The following SGPP1 variants were observed in gnomAD, a reference collection of about 807,000 sequenced individuals.
SGPP1 encodes sphingosine-1-phosphate phosphatase 1, also known as hSPP1.
A neutral mutation model predicts 33.0 loss-of-function variants in SGPP1; 21 were observed. That is an observed-to-expected ratio of 0.64 (90% CI 0.45 to 0.92). The LOEUF (loss-of-function observed/expected upper bound fraction) is 0.92. Ranked by LOEUF, SGPP1 falls within the 40% of genes least tolerant of loss-of-function variation. SGPP1 has a pLI of 0.00. For synonymous variants in SGPP1, 239 were observed against 241.2 expected (o/e 0.99, Z 0.08); for missense variants, 543 against 589.4 (o/e 0.92, Z 0.81).
chr14:63,704,295 T>C (rs1885362233), intron 1 of SGPP1, among the ~76,000 whole-genome samples: 1 of 152,156 alleles, frequency 6.6e-6, no homozygotes, highest in Admixed American at 6.6e-5. Flanking sequence ...TTCAAAACAG[T>C]GTGGTACTGA....
chr14:63,712,847 G>A (rs553797945), intron 1 of SGPP1, among the ~76,000 whole-genome samples: 13 of 148,436 alleles, frequency 8.8e-5, no homozygotes, highest in African/African-American at 3.0e-4. Flanking sequence ...AGTCTGTGAG[G>A]TGGAGGTTGC....
chr14:63,720,352 T>TGGAA (rs1196396817), intron 1 of SGPP1, among the ~76,000 whole-genome samples: 11 of 150,882 alleles, frequency 7.3e-5, no homozygotes, highest in South Asian at 6.3e-4. Flanking sequence ...GATGGATGGA[T>TGGAA]GGAAGGAAGG....
chr14:63,727,893 G>C lies in SGPP1; in HGVS notation c.52C>G (p.Gln18Glu), dbSNP rs1410215583. ...AQLVGRLQDP[Q>E]KVARFQRLCG... ...AGCCGCTGGAAACGGGCCACTTTCTGCGGGTCCTGCAGACGGCCAACCAGC... is the reference window on the plus strand; with the variant it reads ...AGCCGCTGGAAACGGGCCACTTTCTCCGGGTCCTGCAGACGGCCAACCAGC... Residue 18 changes from glutamine (Q) to glutamate (E), a missense_variant, in exon 1 of 3, where the codon CAG becomes GAG. Physicochemically the swap from Gln to Glu is conservative, Grantham distance 29. Coordinates refer to ENST00000247225, the MANE Select transcript of SGPP1 (RefSeq NM_030791.4). The C allele has an allele frequency of 3.3e-6, 5 of 1,532,610 alleles. No individual in the cohort carries two copies. The highest frequency in any genetic ancestry group is 4.4e-6 in the Non-Finnish European group (5 of 1,147,284). The allele number at this position is 1,532,610 out of a possible 1,614,324, so 94.9% of individuals were successfully genotyped here.
chr14:63,693,106 T>G (rs1287394849), intron 2 of SGPP1, among the ~76,000 whole-genome samples: 1 of 151,864 alleles, frequency 6.6e-6, no homozygotes, highest in Non-Finnish European at 1.5e-5. Flanking sequence ...CTTCTTGTAT[T>G]TTTTTTTATA....
intron 1 of SGPP1, among the ~76,000 whole-genome samples, chr14:63,724,734 G>T (rs764342722): frequency 1.1e-4 from 17 of 150,988 alleles, no homozygotes; most frequent in Non-Finnish European, 1.8e-4. Context: ...AGCGGGGGGC[G>T]GCTAATTTTT....
At chr14:63,698,706 A>G in intron 1 of SGPP1, 48 bp from the exon 2 acceptor site, 1 of 1,052,372 alleles carries the variant, frequency 9.5e-7, no homozygotes, top group Non-Finnish European at 1.4e-6. Context: ...TAAGTTAGAT[A>G]TAAACAAACA....
chr14:63,689,796 CAAA>C (rs1382846036), intron 2 of SGPP1, among the ~76,000 whole-genome samples: 3 of 85,512 alleles, frequency 3.5e-5, no homozygotes, highest in Non-Finnish European at 2.4e-5. Context: ...GACTCTGTCT[CAAA>C]AAAAAAAAAA....
intron 2 of SGPP1, among the ~76,000 whole-genome samples, chr14:63,691,833 C>T (rs1271939682): frequency 6.6e-6 from 1 of 151,712 alleles, no homozygotes; most frequent in African/African-American, 2.4e-5. Context: ...AAAGACTTTA[C>T]CTTATTTATA....
intron 1 of SGPP1, among the ~76,000 whole-genome samples, chr14:63,706,212 A>G (rs1029803211): frequency 2.0e-5 from 3 of 152,212 alleles, no homozygotes; most frequent in African/African-American, 7.2e-5. Flanking sequence ...ATTTATATGA[A>G]ATATCCAAAA....
chr14:63,716,793 A>C (rs1885637938), intron 1 of SGPP1, among the ~76,000 whole-genome samples: 1 of 151,790 alleles, frequency 6.6e-6, no homozygotes, highest in South Asian at 2.1e-4. Context: ...TCCTGGGTTC[A>C]AGCAATTCTC....
intron 1 of SGPP1, among the ~76,000 whole-genome samples, chr14:63,711,642 G>C (rs1473576373): frequency 6.6e-6 from 1 of 152,116 alleles, no homozygotes; most frequent in Non-Finnish European, 1.5e-5. Context: ...CATTATGGAG[G>C]ATAATCTGCT....
At chr14:63,697,368 GA>G (rs34391509) in intron 2 of SGPP1, among the ~76,000 whole-genome samples, 20,255 of 151,350 alleles carry the variant, frequency 0.13, 1,622 homozygotes, top group East Asian at 0.38. Flanking sequence ...AATAATATGA[GA>G]AAAAAAATTC....
rs1397333626 is a variant in SGPP1 at position 63,685,874 on chromosome 14, A to T, written c.*231T>A. On this transcript the variant is annotated 3_prime_UTR_variant, in exon 3 of 3. Coordinates refer to ENST00000247225, the MANE Select transcript of SGPP1 (RefSeq NM_030791.4). ...TACAAAACTCTCCAAACATTACATG[A>T]ACATTCTAAATGGATACTTATCATT... is the stretch of plus-strand genomic sequence containing the variant. The T allele has an allele frequency of 3.6e-6, 1 of 275,500 alleles. No homozygotes were observed. The highest frequency in any genetic ancestry group is 2.2e-5 in the African/African-American group (1 of 45,186). 17.1% of individuals were successfully genotyped at this position (275,500 alleles called of 1,614,324 possible). A position where few individuals can be genotyped will look rare whatever the true frequency, so the allele number is the denominator to read the frequency against.
chr14:63,718,970 GTATATACATATATATATATATATATA>G (rs1479022969), intron 1 of SGPP1, among the ~76,000 whole-genome samples: 2 of 63,576 alleles, frequency 3.1e-5, no homozygotes, highest in African/African-American at 6.5e-5. Context: ...TCATATATAT[GTATATACATATATATATATATATATA>G]TATATATATA....
chr14:63,688,667 C>T (rs572532277), intron 2 of SGPP1, among the ~76,000 whole-genome samples: 1 of 152,068 alleles, frequency 6.6e-6, no homozygotes, highest in East Asian at 1.9e-4. Flanking sequence ...TACACTGAAA[C>T]CACTTTTTTC....
At chr14:63,686,736 T>G in intron 2 of SGPP1, 80 bp from the exon 3 acceptor site, 2 of 1,042,936 alleles carry the variant, frequency 1.9e-6, no homozygotes, top group Non-Finnish European at 2.7e-6. Context: ...TATTTGACAT[T>G]TCAAATGTTG....
intron 2 of SGPP1, among the ~76,000 whole-genome samples, chr14:63,692,372 T>C (rs939843329): frequency 1.3e-5 from 2 of 152,234 alleles, no homozygotes; most frequent in African/African-American, 2.4e-5. Context: ...TTGAAGGTAC[T>C]TGACACAGTT....
chr14:63,720,123 T>C (rs551468846), intron 1 of SGPP1, among the ~76,000 whole-genome samples: 5 of 117,162 alleles, frequency 4.3e-5, no homozygotes, highest in African/African-American at 1.5e-4. Flanking sequence ...AGCCTGCATC[T>C]CACAAAAAAA....
At chr14:63,698,477 G>A (rs1466285051) in intron 2 of SGPP1, 92 bp downstream of exon 2, 1 of 593,546 alleles carries the variant, frequency 1.7e-6, no homozygotes, top group East Asian at 3.2e-5. Context: ...TCTCATTTAG[G>A]CTTCAGGTAA....
Sources: gnomAD v4.1 joint callset for allele counts (sites outside exome capture counted in the v4.1 genomes callset) on GRCh38, gnomAD v4.1.1 for gene constraint, MANE v1.5 for transcripts, NCBI Gene and HGNC (gene_info 2026-07-23, HGNC 2026-07-21) for gene names.